Variants in GLRA2 observed in about 807,000 individuals in gnomAD.
GLRA2 encodes the protein glycine receptor alpha 2.
A neutral mutation model predicts 31.6 loss-of-function variants in GLRA2; 11 were observed. The ratio of observed to expected loss-of-function variants is 0.35; its 90% CI spans 0.22 to 0.58. The LOEUF is 0.58. Ranked by LOEUF, GLRA2 falls within the 20% of genes least tolerant of loss-of-function variation. The pLI is 0.84. For missense variants in GLRA2, 212 were observed against 351.8 expected, an observed-to-expected ratio of 0.60 and a Z score of 3.18; for synonymous variants, 132 against 134.0, an observed-to-expected ratio of 0.99 and a Z score of 0.10.
intron 4 of GLRA2, among the ~76,000 whole-genome samples, chrX:14,595,008 A>G (rs1336742034): frequency 9.1e-6 from 1 of 110,173 alleles, no homozygotes; most frequent in Admixed American, 9.7e-5. Flanking sequence ...GAGTCTAACC[A>G]TACAGCTTAG....
At chrX:14,608,256 C>G (rs2090359044) in intron 6 of GLRA2, among the ~76,000 whole-genome samples, 1 of 111,576 alleles carries the variant, frequency 9.0e-6, no homozygotes, top group Admixed American at 9.6e-5. Context: ...GTAGGAATAT[C>G]TGTCTCTTAA....
the GLRA2 span, among the ~76,000 whole-genome samples, chrX:14,523,977 A>G: frequency 8.9e-6 from 1 of 112,077 alleles, no homozygotes; most frequent in Non-Finnish European, 1.9e-5. Context: ...GAAGCAACTC[A>G]TCATCCATTC....
At chrX:14,580,904 G>A (rs1465325708) in intron 3 of GLRA2, among the ~76,000 whole-genome samples, 2 of 111,282 alleles carry the variant, frequency 1.8e-5, no homozygotes, top group Non-Finnish European at 3.8e-5. Flanking sequence ...ATCAGCTTTA[G>A]TATTATTTCA....
intron 2 of GLRA2, among the ~76,000 whole-genome samples, chrX:14,532,922 A>G (rs1476320517): frequency 8.9e-6 from 1 of 111,877 alleles, no homozygotes; most frequent in Non-Finnish European, 1.9e-5. Context: ...GAAATCAACA[A>G]AGATCACAGA....
intron 8 of GLRA2, among the ~76,000 whole-genome samples, chrX:14,701,544 G>A (rs1490771522): frequency 2.7e-5 from 3 of 110,827 alleles, no homozygotes; most frequent in African/African-American, 3.3e-5. Context: ...ATGGATGAAT[G>A]GATAAAAATA....
chrX:14,514,989 TTCATC>T, the GLRA2 span, among the ~76,000 whole-genome samples: 7 of 111,800 alleles, frequency 6.3e-5, no homozygotes, highest in Admixed American at 1.9e-4. Flanking sequence ...ATCTTATACT[TTCATC>T]TTGAGAGCAT....
intron 8 of GLRA2, among the ~76,000 whole-genome samples, chrX:14,700,599 A>G (rs1212283373): frequency 8.9e-6 from 1 of 112,074 alleles, no homozygotes; most frequent in Admixed American, 9.4e-5. Context: ...TTAGGAAGTC[A>G]GAGGACATTG....
At chrX:14,502,299 T>A in the GLRA2 span, among the ~76,000 whole-genome samples, 3 of 112,353 alleles carry the variant, frequency 2.7e-5, no homozygotes, top group African/African-American at 9.7e-5. Flanking sequence ...TAAAAATGGA[T>A]GTCCAAAGTG....
the GLRA2 span, among the ~76,000 whole-genome samples, chrX:14,473,041 A>G: frequency 9.0e-6 from 1 of 111,493 alleles, no homozygotes; most frequent in Non-Finnish European, 1.9e-5. Context: ...AGAATCAGAC[A>G]AAAAATGTTC....
the GLRA2 span, among the ~76,000 whole-genome samples, chrX:14,475,827 A>G: frequency 1.8e-5 from 2 of 112,070 alleles, no homozygotes; most frequent in Non-Finnish European, 1.9e-5. Flanking sequence ...GGTATATTTC[A>G]TAATCCAATG....
intron 2 of GLRA2, among the ~76,000 whole-genome samples, chrX:14,571,242 T>A (rs1159911872): frequency 8.9e-6 from 1 of 112,162 alleles, no homozygotes; most frequent in African/African-American, 3.2e-5. Context: ...TGTAAAATAT[T>A]TCCTTCTGTA....
At chrX:14,720,529 G>A (rs1041186918) in intron 8 of GLRA2, among the ~76,000 whole-genome samples, 3 of 111,310 alleles carry the variant, frequency 2.7e-5, no homozygotes, top group African/African-American at 9.8e-5. Context: ...TTCAAAAATA[G>A]GGGGAACAAG....
intron 2 of GLRA2, among the ~76,000 whole-genome samples, chrX:14,553,209 A>G (rs773344471): frequency 3.7e-4 from 42 of 112,222 alleles, no homozygotes; most frequent in African/African-American, 1.3e-3. Flanking sequence ...ACAATACAAA[A>G]TGTGGTGGCC....
chrX:14,588,270 G>A (rs1334008953), intron 4 of GLRA2, among the ~76,000 whole-genome samples: 1 of 111,602 alleles, frequency 9.0e-6, no homozygotes, highest in African/African-American at 3.3e-5. Context: ...TTTAATTTTT[G>A]TATATAGTAA....
At chrX:14,515,767 A>T in the GLRA2 span, among the ~76,000 whole-genome samples, 2 of 111,730 alleles carry the variant, frequency 1.8e-5, no homozygotes, top group Admixed American at 9.6e-5. Context: ...TATTTAATAC[A>T]TGTATTAAAA....
At chrX:14,660,056 TC>T (rs1214492601) in intron 7 of GLRA2, among the ~76,000 whole-genome samples, 1 of 111,476 alleles carries the variant, frequency 9.0e-6, no homozygotes, top group African/African-American at 3.3e-5. Context: ...TTATATTCCA[TC>T]AGGGGGAGAC....
At chrX:14,723,314 A>T (rs955528889) in intron 8 of GLRA2, among the ~76,000 whole-genome samples, 1 of 111,871 alleles carries the variant, frequency 8.9e-6, no homozygotes, top group African/African-American at 3.3e-5. Flanking sequence ...ATCCATCTCT[A>T]AGACCTGTTG....
the GLRA2 span, among the ~76,000 whole-genome samples, chrX:14,448,943 A>G: frequency 9.0e-6 from 1 of 110,997 alleles, no homozygotes; most frequent in African/African-American, 3.3e-5. Flanking sequence ...ACGGTGAGTG[A>G]GCTGCTGATG....
the GLRA2 span, among the ~76,000 whole-genome samples, chrX:14,449,736 G>A: frequency 8.9e-6 from 1 of 112,323 alleles, no homozygotes; most frequent in Non-Finnish European, 1.9e-5. Flanking sequence ...TGTCAGCACA[G>A]CCAGTGTTTG....
Sources: allele counts gnomAD v4.1 joint callset (sites outside exome capture counted in the v4.1 genomes callset), GRCh38; gene constraint gnomAD v4.1.1; transcripts MANE v1.5; gene names NCBI Gene and HGNC (gene_info 2026-07-23, HGNC 2026-07-21).